HCN1: variants seen among roughly 807,000 people sequenced by gnomAD.
HCN1 encodes potassium/sodium hyperpolarization-activated cyclic nucleotide-gated channel 1.
Under a neutral mutation model 78.9 loss-of-function variants are expected in HCN1, and 13 were observed. The ratio of observed to expected loss-of-function variants is 0.16; its 90% CI spans 0.11 to 0.26. The LOEUF (loss-of-function observed/expected upper bound fraction) is 0.26, where lower values mean the gene tolerates loss of function less well. HCN1 is among the 10% of genes least tolerant of loss of function. The pLI is 1.00. For synonymous variants in HCN1, 552 were observed against 455.5 expected (o/e 1.21, Z -2.70); for missense variants, 810 against 1,154.3 (o/e 0.70, Z 4.32).
intron 2 of HCN1, among the ~76,000 whole-genome samples, chr5:45,506,296 G>A (rs778005239): frequency 5.9e-5 from 9 of 152,178 alleles, no homozygotes; most frequent in Non-Finnish European, 1.0e-4. Flanking sequence ...TACCCTGGGA[G>A]TCTATGAACA....
chr5:45,563,119 T>G (rs2097163815), intron 2 of HCN1, among the ~76,000 whole-genome samples: 2 of 152,228 alleles, frequency 1.3e-5, no homozygotes, highest in Admixed American at 6.5e-5. Context: ...TGGATTTATC[T>G]TTCTTTTTTA....
At chr5:45,645,760 A>G in intron 1 of HCN1, 152 bp from the exon 2 acceptor site, 3 of 554,784 alleles carry the variant, frequency 5.4e-6, no homozygotes, top group Non-Finnish European at 9.4e-6. Flanking sequence ...TTAAATGGCT[A>G]TATGTTTAAA....
chr5:45,629,095 A>G (rs1355539421), intron 2 of HCN1, among the ~76,000 whole-genome samples: 1 of 152,092 alleles, frequency 6.6e-6, no homozygotes, highest in East Asian at 1.9e-4. Flanking sequence ...AGGTAAAGAG[A>G]GTCATTTTAT....
intron 6 of HCN1, among the ~76,000 whole-genome samples, chr5:45,300,656 A>G (rs1455132987): frequency 6.6e-6 from 1 of 152,152 alleles, no homozygotes; most frequent in African/African-American, 2.4e-5. Flanking sequence ...AAGATTCTGC[A>G]GAGTCAAAAA....
At chr5:45,613,442 A>G (rs989675240) in intron 2 of HCN1, among the ~76,000 whole-genome samples, 1 of 152,052 alleles carries the variant, frequency 6.6e-6, no homozygotes, top group Non-Finnish European at 1.5e-5. Flanking sequence ...TAGAATGGCA[A>G]TCATTAAAAA....
At chr5:45,293,292 G>A (rs1745417384) in intron 6 of HCN1, among the ~76,000 whole-genome samples, 1 of 151,912 alleles carries the variant, frequency 6.6e-6, no homozygotes, top group Non-Finnish European at 1.5e-5. Flanking sequence ...TAGCCATTCT[G>A]ACTGGTTTGA....
In HCN1 at chr5:45,584,544, T is replaced by G. The variant is rs1161409979; in HGVS notation, c.849+60641A>C. On this transcript the variant is annotated intron_variant, in intron 2 of 7. Coordinates refer to ENST00000303230, the MANE Select transcript of HCN1 (RefSeq NM_021072.4). The stretch of plus-strand genomic sequence containing the variant: ...GCCCATTTACATTTAAGGTTAATAT[T>G]GTTATGTGTGAATTTGATCCTGTCA... 5.1e-4 allele frequency among the ~76,000 whole-genome samples: 78 copies of G among 152,132 alleles called. 1 individual carries two copies. Among genetic ancestry groups the G allele is most frequent in the Non-Finnish European group, 4.4e-5 (3 of 68,028 alleles).
chr5:45,496,834 G>A (rs1314524784), intron 2 of HCN1, among the ~76,000 whole-genome samples: 1 of 151,102 alleles, frequency 6.6e-6, no homozygotes, highest in African/African-American at 2.4e-5. Context: ...TTCTCTTGTG[G>A]GCATTTAGTG....
chr5:45,476,349 G>A (rs1741515364), intron 2 of HCN1, among the ~76,000 whole-genome samples: 1 of 151,972 alleles, frequency 6.6e-6, no homozygotes, highest in South Asian at 2.1e-4. Context: ...TCTATGATAT[G>A]GTGTTAAGCC....
At chr5:45,375,783 T>C (rs1384619641) in intron 4 of HCN1, among the ~76,000 whole-genome samples, 1 of 100,886 alleles carries the variant, frequency 9.9e-6, no homozygotes, top group East Asian at 2.8e-4. Context: ...TTATATATAA[T>C]ATAATATTTT....
chr5:45,689,638 A>T (rs1319438013), intron 1 of HCN1, among the ~76,000 whole-genome samples: 1 of 152,066 alleles, frequency 6.6e-6, no homozygotes, highest in Non-Finnish European at 1.5e-5. Flanking sequence ...AGGAGCTAAA[A>T]ATTTACCCAA....
chr5:45,351,106 C>T (rs202026199), intron 5 of HCN1, among the ~76,000 whole-genome samples: 26,397 of 151,762 alleles, frequency 0.17, 2,519 homozygotes, highest in East Asian at 0.32. Flanking sequence ...GGAGGCATCA[C>T]GCTACCTGAC....
chr5:45,341,970 T>A (rs1293170225), intron 5 of HCN1, among the ~76,000 whole-genome samples: 1 of 152,080 alleles, frequency 6.6e-6, no homozygotes, highest in South Asian at 2.1e-4. Context: ...TTGACTTATT[T>A]TTGTTTCCTA....
At position 45,489,798 on chromosome 5, in the gene HCN1, C is replaced by A. The variant is rs1323663774; in HGVS notation, c.850-27791G>T. On this transcript the variant is annotated intron_variant, in intron 2 of 7. Coordinates refer to ENST00000303230, the MANE Select transcript of HCN1 (RefSeq NM_021072.4). ...ACTTTAGAGACAGCCAGTGAAGGTA[C>A]GAAGTAGTAGGCAATGTGATATAGG... is the stretch of plus-strand genomic sequence containing the variant. 2.6e-5 allele frequency among the ~76,000 whole-genome samples: 4 copies of A among 152,242 alleles called. No homozygotes were observed. In the East Asian group the frequency reaches 7.7e-4, roughly 29 times the overall value.
Position 45,461,987 on chromosome 5 carries a change from A to G in HCN1, c.870T>C (p.Asp290=), listed in dbSNP as rs777218326. 1 of 1,613,124 alleles carries G rather than the reference A, an allele frequency of 6.2e-7. No individual in the cohort carries two copies. The highest frequency in any genetic ancestry group is 1.3e-5 in the African/African-American group (1 of 74,884). ...QWEEIFHMTY[D]LASAVVRIFN... is the part of the protein sequence containing the mutation. ...AAATTCTCACCACTGCACTGGCGAG[A>G]TCATATGTCATGTGGAATATCTGTT... Residue 290 remains aspartate (D), a synonymous_variant, in exon 3 of 8, where the codon GAT becomes GAC. Transcript: ENST00000303230.
intron 2 of HCN1, among the ~76,000 whole-genome samples, chr5:45,560,859 G>A (rs941529955): frequency 3.9e-5 from 6 of 152,064 alleles, no homozygotes; most frequent in African/African-American, 1.4e-4. Flanking sequence ...TCGTAAATAC[G>A]ACACTGCTTA....
At chr5:45,598,791 T>C (rs988547510) in intron 2 of HCN1, among the ~76,000 whole-genome samples, 1 of 152,066 alleles carries the variant, frequency 6.6e-6, no homozygotes, top group African/African-American at 2.4e-5. Flanking sequence ...GACATTTATG[T>C]AGCCAACAGA....
chr5:45,466,132 A>C (rs1318231687), intron 2 of HCN1, among the ~76,000 whole-genome samples: 1 of 152,114 alleles, frequency 6.6e-6, no homozygotes, highest in African/African-American at 2.4e-5. Context: ...CTTGTTTTTA[A>C]AAGGTCTTTC....
At chr5:45,393,759 G>A (rs1739630910) in intron 4 of HCN1, among the ~76,000 whole-genome samples, 1 of 152,160 alleles carries the variant, frequency 6.6e-6, no homozygotes. Flanking sequence ...ATGAGATAAA[G>A]AATGGTCTAA....
Sources: allele counts gnomAD v4.1 joint callset (sites outside exome capture counted in the v4.1 genomes callset), GRCh38; gene constraint gnomAD v4.1.1; transcripts MANE v1.5; gene names NCBI Gene and HGNC (gene_info 2026-07-23, HGNC 2026-07-21).